ROBO1: variants seen among roughly 807,000 people sequenced by gnomAD.
ROBO1 encodes roundabout homolog 1.
A neutral mutation model predicts 195.9 loss-of-function variants in ROBO1; 149 were observed. The observed-to-expected ratio is 0.76, with a 90% CI of 0.67 to 0.87. The LOEUF (loss-of-function observed/expected upper bound fraction) is 0.87, where lower values mean the gene tolerates loss of function less well. ROBO1 is among the 40% of genes least tolerant of loss of function. ROBO1 has a pLI of 0.00. For missense variants in ROBO1, 1,933 were observed against 2,068.3 expected (o/e 0.93, Z 1.27); for synonymous variants, 816 against 733.2 (o/e 1.11, Z -1.82).
intron 1 of ROBO1, among the ~76,000 whole-genome samples, chr3:79,731,728 C>T (rs1275585773): frequency 6.6e-6 from 1 of 152,104 alleles, no homozygotes; most frequent in Non-Finnish European, 1.5e-5. Context: ...GATGAAGCCC[C>T]TAGCATACCC....
At chr3:79,470,154 C>A (rs1938190541) in intron 2 of ROBO1, among the ~76,000 whole-genome samples, 1 of 152,214 alleles carries the variant, frequency 6.6e-6, no homozygotes, top group East Asian at 1.9e-4. Flanking sequence ...AGACTTGGAA[C>A]CAACCCAAAT....
At chr3:78,913,213 A>T (rs2038354923) in intron 4 of ROBO1, among the ~76,000 whole-genome samples, 1 of 152,158 alleles carries the variant, frequency 6.6e-6, no homozygotes, top group South Asian at 2.1e-4. Context: ...ATACTTGGCC[A>T]GCCTAATATG....
At chr3:79,188,545 C>T (rs1169086531) in intron 2 of ROBO1, among the ~76,000 whole-genome samples, 1 of 151,736 alleles carries the variant, frequency 6.6e-6, no homozygotes, top group African/African-American at 2.4e-5. Context: ...CACCTTTGCA[C>T]ACGCACACAC....
chr3:79,452,216 C>T (rs1475450795), intron 2 of ROBO1, among the ~76,000 whole-genome samples: 3 of 152,058 alleles, frequency 2.0e-5, no homozygotes, highest in African/African-American at 7.2e-5. Flanking sequence ...TCTCACTATA[C>T]ATGTCTTTTA....
intron 5 of ROBO1, among the ~76,000 whole-genome samples, chr3:78,718,676 T>A (rs950511411): frequency 6.6e-6 from 1 of 151,980 alleles, no homozygotes; most frequent in South Asian, 2.1e-4. Context: ...CAATTACCCA[T>A]GAATATCTAC....
chr3:78,975,385 G>A (rs1223990981), intron 3 of ROBO1, among the ~76,000 whole-genome samples: 1 of 152,046 alleles, frequency 6.6e-6, no homozygotes, highest in Non-Finnish European at 1.5e-5. Context: ...TTTATCAGTG[G>A]TTTCATAAAA....
intron 2 of ROBO1, among the ~76,000 whole-genome samples, chr3:79,354,937 G>T (rs2035483937): frequency 6.6e-6 from 1 of 152,202 alleles, no homozygotes; most frequent in Non-Finnish European, 1.5e-5. Context: ...GGAGGCCAAG[G>T]TGGGTGGATC....
At chr3:78,886,203 T>C (rs1223471723) in intron 4 of ROBO1, among the ~76,000 whole-genome samples, 1 of 151,870 alleles carries the variant, frequency 6.6e-6, no homozygotes, top group Non-Finnish European at 1.5e-5. Context: ...GAAGAAACAA[T>C]ACGAAAATAA....
intron 1 of ROBO1, among the ~76,000 whole-genome samples, chr3:79,659,322 C>G (rs1269643314): frequency 1.3e-5 from 2 of 152,002 alleles, no homozygotes; most frequent in Non-Finnish European, 2.9e-5. Context: ...CCATTTAACT[C>G]TTGACTAAAT....
intron 2 of ROBO1, among the ~76,000 whole-genome samples, chr3:79,280,281 A>G (rs2108998945): frequency 6.6e-6 from 1 of 152,328 alleles, no homozygotes; most frequent in East Asian, 1.9e-4. Flanking sequence ...GATGATGGAT[A>G]TGCTACTCTA....
chr3:78,947,233 C>A (rs561273749), intron 3 of ROBO1, among the ~76,000 whole-genome samples: 127 of 152,254 alleles, frequency 8.3e-4, no homozygotes, highest in Non-Finnish European at 1.4e-3. Flanking sequence ...CTTTTCAGCA[C>A]CACACCACAC....
chr3:79,733,745 T>G (rs1436055855), intron 1 of ROBO1, among the ~76,000 whole-genome samples: 1 of 152,178 alleles, frequency 6.6e-6, no homozygotes, highest in African/African-American at 2.4e-5. Flanking sequence ...CTGTACTTAC[T>G]CTATCATTAT....
intron 2 of ROBO1, among the ~76,000 whole-genome samples, chr3:79,554,333 A>G (rs1942625125): frequency 6.6e-6 from 1 of 152,054 alleles, no homozygotes. Context: ...AATTCTTTCT[A>G]AATAATATAG....
chr3:79,280,576 T>C (rs1300594039), intron 2 of ROBO1, among the ~76,000 whole-genome samples: 1 of 152,172 alleles, frequency 6.6e-6, no homozygotes, highest in Non-Finnish European at 1.5e-5. Flanking sequence ...CTTAACATTG[T>C]ATTCTCTTCC....
chr3:79,069,671 A>G (rs968022588), intron 3 of ROBO1, among the ~76,000 whole-genome samples: 11 of 151,686 alleles, frequency 7.3e-5, no homozygotes, highest in Admixed American at 1.3e-4. Flanking sequence ...TACAGAACAA[A>G]CTCTGCCTCC....
At position 79,563,308 on chromosome 3, in the gene ROBO1, C is replaced by T. The variant is rs541925106; in HGVS notation, c.88+26516G>A. Among the ~76,000 whole-genome samples, 6 of 152,138 alleles carry T rather than the reference C, an allele frequency of 3.9e-5. No individual in the cohort carries two copies. The South Asian group carries it at 1.2e-3, about 31-fold the overall frequency. On this transcript the variant is annotated intron_variant, in intron 2 of 30. Transcript: ENST00000464233. The stretch of plus-strand genomic sequence containing the variant: ...ATAATTAAATCATGTCTTCTAAAGA[C>T]ATAAACTTCAACTACAAATGATAAG...
chr3:79,666,305 C>T (rs964105577), intron 1 of ROBO1, among the ~76,000 whole-genome samples: 3 of 151,964 alleles, frequency 2.0e-5, no homozygotes, highest in African/African-American at 7.2e-5. Flanking sequence ...ATTTACCTAA[C>T]TTGTATTCCA....
chr3:79,439,849 G>C (rs1340485896), intron 2 of ROBO1, among the ~76,000 whole-genome samples: 1 of 152,030 alleles, frequency 6.6e-6, no homozygotes, highest in Admixed American at 6.6e-5. Context: ...ACTAAAACAA[G>C]AGCTAGAATG....
chr3:79,389,010 G>A lies in ROBO1; in HGVS notation c.88+200814C>T, dbSNP rs1445818605. ...TAAAGGTCTAACAATAGAATGATGT[G>A]TAAGTATGCCACTAGCTAAATTAAT... On this transcript the variant is annotated intron_variant, in intron 2 of 30. Coordinates refer to ENST00000464233, the MANE Select transcript of ROBO1 (RefSeq NM_002941.4). Among the ~76,000 whole-genome samples the A allele has an allele frequency of 1.3e-5, 2 of 152,038 alleles. 1 individual carries two copies.
Sources: allele counts gnomAD v4.1 joint callset (sites outside exome capture counted in the v4.1 genomes callset), GRCh38; gene constraint gnomAD v4.1.1; transcripts MANE v1.5; gene names NCBI Gene and HGNC (gene_info 2026-07-23, HGNC 2026-07-21).